Variants in FAM53B observed in about 807,000 individuals in gnomAD.
FAM53B encodes the protein protein FAM53B.
A neutral mutation model predicts 32.7 loss-of-function variants in FAM53B; 12 were observed. The ratio of observed to expected loss-of-function variants is 0.37; its 90% CI spans 0.24 to 0.59. FAM53B has a LOEUF of 0.59. FAM53B is among the 20% of genes least tolerant of loss of function. The pLI is 0.72. For synonymous variants in FAM53B, 234 were observed against 228.7 expected, an observed-to-expected ratio of 1.02 and a Z score of -0.21; for missense variants, 477 against 577.7, an observed-to-expected ratio of 0.83 and a Z score of 1.79.
intron 1 of FAM53B, among the ~76,000 whole-genome samples, chr10:124,712,312 C>A (rs929904030): frequency 2.0e-5 from 3 of 152,152 alleles, no homozygotes; most frequent in Admixed American, 2.0e-4. Context: ...GCCGAGATTA[C>A]ACCACTGTAC....
At chr10:124,676,156 C>A (rs754750916) in intron 4 of FAM53B, among the ~76,000 whole-genome samples, 7 of 152,228 alleles carry the variant, frequency 4.6e-5, no homozygotes, top group Non-Finnish European at 8.8e-5. Flanking sequence ...TCAGAAGCAA[C>A]TACTCTCGTG....
intron 3 of FAM53B, among the ~76,000 whole-genome samples, chr10:124,688,776 T>A (rs889225225): frequency 3.9e-5 from 6 of 152,204 alleles, no homozygotes; most frequent in African/African-American, 1.4e-4. Flanking sequence ...GGAATACGAA[T>A]GGCATTTGAC....
intron 4 of FAM53B, among the ~76,000 whole-genome samples, chr10:124,660,457 T>C (rs879283275): frequency 1.3e-5 from 2 of 152,240 alleles, no homozygotes; most frequent in Non-Finnish European, 2.9e-5. Flanking sequence ...CAACTCACCC[T>C]GATACCAAGG....
chr10:124,630,621 A>G (rs965878282), intron 4 of FAM53B, among the ~76,000 whole-genome samples: 3 of 152,160 alleles, frequency 2.0e-5, no homozygotes, highest in Non-Finnish European at 4.4e-5. Context: ...AGGAGCGGGA[A>G]GGTACTCCAG....
intron 2 of FAM53B, among the ~76,000 whole-genome samples, chr10:124,702,972 C>T (rs1483528000): frequency 2.6e-5 from 4 of 152,168 alleles, no homozygotes; most frequent in Non-Finnish European, 1.5e-5. Flanking sequence ...CCTCGTGACA[C>T]ACTTATTCTC....
chr10:124,723,973 G>A (rs1223601289), intron 1 of FAM53B, among the ~76,000 whole-genome samples: 5 of 152,228 alleles, frequency 3.3e-5, no homozygotes, highest in African/African-American at 7.2e-5. Flanking sequence ...TATCAGTCTC[G>A]TCCCAAGTCC....
At chr10:124,701,842 T>C (rs1051868371) in intron 2 of FAM53B, among the ~76,000 whole-genome samples, 9 of 152,164 alleles carry the variant, frequency 5.9e-5, no homozygotes, top group African/African-American at 2.2e-4. Flanking sequence ...TGAGCACTGG[T>C]CAGTCCTTTT....
At chr10:124,667,551 A>C (rs1949680770) in intron 4 of FAM53B, 1 of 681,500 alleles carries the variant, frequency 1.5e-6, no homozygotes, top group Non-Finnish European at 2.7e-6. Flanking sequence ...CTGAGCCTCC[A>C]CATCCACAGG....
chr10:124,659,054 T>C (rs968902762), intron 4 of FAM53B, among the ~76,000 whole-genome samples: 1 of 152,226 alleles, frequency 6.6e-6, no homozygotes, highest in African/African-American at 2.4e-5. Flanking sequence ...TCCCAGATAC[T>C]GGGATGGCGA....
chr10:124,737,483 G>A (rs1189874845), intron 1 of FAM53B, among the ~76,000 whole-genome samples: 1 of 152,212 alleles, frequency 6.6e-6, no homozygotes, highest in Non-Finnish European at 1.5e-5. Context: ...AAAGCAGGCT[G>A]TCTTGCAAGC....
At chr10:124,664,398 C>G (rs77149730) in intron 4 of FAM53B, among the ~76,000 whole-genome samples, 6,647 of 152,338 alleles carry the variant, frequency 0.044, 208 homozygotes, top group East Asian at 0.12. Flanking sequence ...TGGCATGCTG[C>G]TCGCCTTTAG....
intron 1 of FAM53B, among the ~76,000 whole-genome samples, chr10:124,718,375 C>T (rs1950049048): frequency 6.6e-6 from 1 of 152,204 alleles, no homozygotes. Context: ...ACAGGCTCAT[C>T]AATCACATGG....
chr10:124,682,650 T>C lies in FAM53B; in HGVS notation c.134-271A>G, dbSNP rs947744273. 6.6e-6 allele frequency among the ~76,000 whole-genome samples: 1 copy of C among 152,168 alleles called. No individual in the cohort carries two copies. Among genetic ancestry groups the C allele is most frequent in the Non-Finnish European group, 1.5e-5 (1 of 68,028 alleles). ...ACTCCTGATATGGTTTTCTTTCCAG[T>C]GTACCACACTGCCTCCCAGGAGAAT... On this transcript the variant is annotated intron_variant, in intron 3 of 4. Transcript: ENST00000337318. The surrounding 1 kb of genome is among the most constrained non-coding windows in gnomAD (Gnocchi z 5.2).
chr10:124,653,518 C>T (rs918817467), intron 4 of FAM53B, among the ~76,000 whole-genome samples: 1 of 152,172 alleles, frequency 6.6e-6, no homozygotes, highest in Non-Finnish European at 1.5e-5. Context: ...AGATGGGCTG[C>T]GGGCCCCTGC....
chr10:124,734,658 T>G (rs2134103850), intron 1 of FAM53B, among the ~76,000 whole-genome samples: 1 of 152,282 alleles, frequency 6.6e-6, no homozygotes, highest in Admixed American at 6.5e-5. Flanking sequence ...TGTCACAGTC[T>G]GGAGTCAGGG....
At chr10:124,705,943 C>G (rs776968149) in intron 2 of FAM53B, among the ~76,000 whole-genome samples, 2 of 152,214 alleles carry the variant, frequency 1.3e-5, no homozygotes, top group Admixed American at 1.3e-4. Context: ...TGAGGACTTG[C>G]CCATCTCCAC....
intron 1 of FAM53B, chr10:124,742,408 T>C (rs920005997): frequency 6.6e-6 from 1 of 152,342 alleles, no homozygotes; most frequent in Admixed American, 6.5e-5. Flanking sequence ...CCTGGCCTAA[T>C]AAGGAACAGT....
chr10:124,744,023 GGGGCGCTCC>G lies in FAM53B; in HGVS notation c.-194_-186del, dbSNP rs1323815863. Reference sequence around the variant, plus strand: ...CCCCGGGTCGCTTACTGTGCGCGGCGGGGCGCTCCGGGCGCGGACCCCGCGCCGTCACCG... The same window carrying G: ...CCCCGGGTCGCTTACTGTGCGCGGCGGGGCGCGGACCCCGCGCCGTCACCG... On this transcript the variant is annotated 5_prime_UTR_variant, in exon 1 of 5. Transcript: ENST00000337318. 1 of 147,422 alleles carries G rather than the reference GGGGCGCTCC, an allele frequency of 6.8e-6. No individual in the cohort carries two copies. Among genetic ancestry groups the G allele is most frequent in the Non-Finnish European group, 1.5e-5 (1 of 66,182 alleles). 9.1% of individuals were successfully genotyped at this position (147,422 alleles called of 1,614,324 possible).
chr10:124,646,508 C>G (rs571656150), intron 4 of FAM53B, among the ~76,000 whole-genome samples: 2 of 152,320 alleles, frequency 1.3e-5, no homozygotes, highest in African/African-American at 4.8e-5. Context: ...GCTGTGCCGG[C>G]GCCTTCTGTT....
Sources: allele counts gnomAD v4.1 joint callset (sites outside exome capture counted in the v4.1 genomes callset), GRCh38; gene constraint gnomAD v4.1.1; non-coding constraint Gnocchi (gnomAD v3.1); transcripts MANE v1.5; gene names NCBI Gene and HGNC (gene_info 2026-07-23, HGNC 2026-07-21).